OSBPL10: variants seen among roughly 807,000 people sequenced by gnomAD.
The protein encoded by OSBPL10 is oxysterol binding protein like 10, also known as oxysterol-binding protein-related protein 10.
Under a neutral mutation model 81.7 loss-of-function variants are expected in OSBPL10, and 49 were observed. The observed-to-expected ratio is 0.60, with a 90% CI of 0.48 to 0.76. The LOEUF is 0.76. Among genes scored for constraint, OSBPL10 ranks in the 30% least tolerant of loss-of-function variants. The pLI, the probability that OSBPL10 is intolerant of heterozygous loss-of-function variation, is 0.00. For missense variants in OSBPL10, 923 were observed against 987.8 expected (o/e 0.93, Z 0.88); for synonymous variants, 419 against 383.6 (o/e 1.09, Z -1.08).
In OSBPL10 at chr3:31,947,031, G is replaced by A. The variant is rs558442095; in HGVS notation, c.281+33868C>T. On this transcript the variant is annotated intron_variant, in intron 1 of 11. Transcript: ENST00000396556. Reference sequence around the variant, plus strand: ...ACGAGCAGTTATCAGAAGAGACAAAGGCAGGAGGGAGCAGACCAGAAAGGC... The same window carrying A: ...ACGAGCAGTTATCAGAAGAGACAAAAGCAGGAGGGAGCAGACCAGAAAGGC... Among the ~76,000 whole-genome samples, 281 of 152,252 alleles carry A rather than the reference G, an allele frequency of 1.8e-3. 1 individual carries two copies. Among genetic ancestry groups the A allele is most frequent in the African/African-American group, 6.5e-3 (271 of 41,546 alleles).
At chr3:31,987,956 C>T (rs1203936668) in intron 2 of OSBPL10, among the ~76,000 whole-genome samples, 1 of 152,090 alleles carries the variant, frequency 6.6e-6, no homozygotes, top group Non-Finnish European at 1.5e-5. Flanking sequence ...ACACATATTG[C>T]CTTTTGTGAT....
chr3:31,949,410 T>C (rs1697798389), intron 1 of OSBPL10, among the ~76,000 whole-genome samples: 1 of 151,912 alleles, frequency 6.6e-6, no homozygotes, highest in Admixed American at 6.6e-5. Flanking sequence ...GGCTCACGCC[T>C]GTAATCCCAG....
chr3:31,990,255 T>C, intron 2 of OSBPL10: 2 of 1,614,036 alleles, frequency 1.2e-6, no homozygotes, highest in South Asian at 2.2e-5. Flanking sequence ...AAGCAATCCA[T>C]GGTATAGGGA....
intron 1 of OSBPL10, among the ~76,000 whole-genome samples, chr3:31,929,718 A>AGC (rs936197753): frequency 6.6e-6 from 1 of 150,926 alleles, no homozygotes; most frequent in African/African-American, 2.4e-5. Flanking sequence ...ACTGGACTCC[A>AGC]GCCTGGGCGA....
intron 1 of OSBPL10, among the ~76,000 whole-genome samples, chr3:32,059,370 C>T (rs1699738813): frequency 6.6e-6 from 1 of 151,968 alleles, no homozygotes; most frequent in Non-Finnish European, 1.5e-5. Context: ...GGGTGGATCA[C>T]TAGGTCAGGA....
chr3:31,862,643 C>T (rs1316291114), intron 3 of OSBPL10, among the ~76,000 whole-genome samples: 1 of 151,800 alleles, frequency 6.6e-6, no homozygotes, highest in Non-Finnish European at 1.5e-5. Context: ...TGTATTTCTC[C>T]GAAGAGTATA....
At chr3:31,890,803 C>T (rs1423756119) in intron 1 of OSBPL10, among the ~76,000 whole-genome samples, 1 of 152,128 alleles carries the variant, frequency 6.6e-6, no homozygotes, top group Non-Finnish European at 1.5e-5. Context: ...TACCAATCTG[C>T]GTCTTAATGC....
chr3:31,920,336 G>A (rs1346236820), intron 1 of OSBPL10, among the ~76,000 whole-genome samples: 1 of 152,164 alleles, frequency 6.6e-6, no homozygotes, highest in African/African-American at 2.4e-5. Flanking sequence ...GAAGTCAGGG[G>A]ATCCTAGGAA....
intron 1 of OSBPL10, among the ~76,000 whole-genome samples, chr3:31,932,421 C>T (rs1283653804): frequency 6.6e-6 from 1 of 152,108 alleles, no homozygotes; most frequent in Non-Finnish European, 1.5e-5. Context: ...CTTGATGCTG[C>T]TTGTTCTAAC....
At chr3:31,925,812 C>CA (rs1240214547) in intron 1 of OSBPL10, among the ~76,000 whole-genome samples, 15 of 149,726 alleles carry the variant, frequency 1.0e-4, no homozygotes, top group South Asian at 6.3e-4. Flanking sequence ...GACTCTGTTT[C>CA]AAAAAAAAAG....
chr3:31,751,539 G>A (rs1188532176), intron 4 of OSBPL10, among the ~76,000 whole-genome samples: 1 of 152,156 alleles, frequency 6.6e-6, no homozygotes, highest in East Asian at 1.9e-4. Flanking sequence ...ATAGAGCCCA[G>A]GAGTGCTAAA....
chr3:31,893,986 C>T (rs750264748), intron 1 of OSBPL10, among the ~76,000 whole-genome samples: 2 of 152,164 alleles, frequency 1.3e-5, no homozygotes, highest in Non-Finnish European at 2.9e-5. Context: ...CAATTGTATA[C>T]TTACAATGAG....
intron 2 of OSBPL10, among the ~76,000 whole-genome samples, chr3:32,022,309 A>T (rs926349481): frequency 2.0e-5 from 3 of 152,204 alleles, no homozygotes; most frequent in Non-Finnish European, 4.4e-5. Flanking sequence ...AAACAGGGAG[A>T]ATTGGGCAGC....
intron 3 of OSBPL10, among the ~76,000 whole-genome samples, chr3:31,859,019 T>C (rs1293646580): frequency 6.6e-6 from 1 of 152,202 alleles, no homozygotes; most frequent in East Asian, 1.9e-4. Context: ...TCCTAACAAC[T>C]GCCCTGTAGG....
chr3:31,990,273 T>A lies in OSBPL10; in HGVS notation n.298+56218A>T, dbSNP rs1309899569. On this transcript the variant is annotated intron_variant and non_coding_transcript_variant, in intron 2 of 3. Coordinates refer to the OSBPL10 transcript ENST00000479173. ...CAATCCATGGTATAGGGAAACTTTA[T>A]AAATGTAATGATTGTCACAAAGTCT... 3.1e-6 allele frequency: 5 copies of A among 1,613,848 alleles called. No homozygotes were observed. The African/African-American group carries it at 6.7e-5, about 22-fold the overall frequency.
At chr3:31,954,549 A>G (rs1697955645) in intron 1 of OSBPL10, among the ~76,000 whole-genome samples, 1 of 152,202 alleles carries the variant, frequency 6.6e-6, no homozygotes, top group South Asian at 2.1e-4. Context: ...TTCCATTTAT[A>G]TGAAATGCTA....
intron 4 of OSBPL10, chr3:31,795,829 G>A (rs140827791): frequency 1.9e-3 from 476 of 246,846 alleles, no homozygotes; most frequent in African/African-American, 0.01. Context: ...ACCTGAGAGA[G>A]TTCACACTGG....
chr3:31,774,718 G>A (rs1249562769), intron 4 of OSBPL10, among the ~76,000 whole-genome samples: 2 of 151,340 alleles, frequency 1.3e-5, no homozygotes, highest in Non-Finnish European at 1.5e-5. Flanking sequence ...TCACCATGTT[G>A]TCCAGGCTGG....
chr3:31,719,245 C>T (rs1403445045), intron 6 of OSBPL10, among the ~76,000 whole-genome samples: 3 of 152,088 alleles, frequency 2.0e-5, no homozygotes, highest in African/African-American at 7.2e-5. Context: ...ACAGTGGGGA[C>T]GTAATCATGT....
Sources: allele counts gnomAD v4.1 joint callset (sites outside exome capture counted in the v4.1 genomes callset), GRCh38; gene constraint gnomAD v4.1.1; transcripts MANE v1.5; gene names NCBI Gene and HGNC (gene_info 2026-07-23, HGNC 2026-07-21).